The following CTPS2 variants were observed in gnomAD, a reference collection of about 807,000 sequenced individuals.
CTPS2 encodes CTP synthase II.
Under a neutral mutation model 46.8 loss-of-function variants are expected in CTPS2, and 19 were observed. The ratio of observed to expected loss-of-function variants is 0.41; its 90% CI spans 0.28 to 0.60. CTPS2 has a LOEUF of 0.60. Ranked by LOEUF, CTPS2 falls within the 20% of genes least tolerant of loss-of-function variation. CTPS2 has a pLI of 0.35. For synonymous variants in CTPS2, 151 were observed against 165.2 expected (o/e 0.91, Z 0.66); for missense variants, 286 against 447.6 (o/e 0.64, Z 3.26).
intron 17 of CTPS2, among the ~76,000 whole-genome samples, chrX:16,603,621 C>T (rs1218571739): frequency 9.9e-6 from 1 of 101,341 alleles, no homozygotes; most frequent in Non-Finnish European, 2.0e-5. Context: ...ACTATTATTA[C>T]AGCCACAGAA....
At chrX:16,620,459 A>T in intron 14 of CTPS2, 127 bp from the exon 15 acceptor site, 3 of 464,273 alleles carry the variant, frequency 6.5e-6, no homozygotes, top group Non-Finnish European at 7.4e-6. Context: ...GAACTAATAG[A>T]CTCCATATAG....
intron 9 of CTPS2, 130 bp downstream of exon 9, chrX:16,682,964 T>C: frequency 1.5e-6 from 1 of 679,146 alleles, no homozygotes; most frequent in Non-Finnish European, 2.3e-6. Context: ...TGATGAGTCC[T>C]GTGAGTTCTT....
chrX:16,609,095 A>C (rs1483248163), intron 17 of CTPS2, among the ~76,000 whole-genome samples: 1 of 111,889 alleles, frequency 8.9e-6, no homozygotes, highest in East Asian at 2.8e-4. Flanking sequence ...TTAGAAGGAA[A>C]GCAAAATCAC....
intron 13 of CTPS2, among the ~76,000 whole-genome samples, chrX:16,667,012 G>A (rs1049962348): frequency 1.3e-4 from 15 of 111,233 alleles, no homozygotes; most frequent in African/African-American, 4.6e-4. Flanking sequence ...GTCCAGGATT[G>A]TGACTGTCTT....
chrX:16,614,871 C>T (rs1263346684), intron 16 of CTPS2, among the ~76,000 whole-genome samples: 2 of 110,671 alleles, frequency 1.8e-5, no homozygotes, highest in Non-Finnish European at 3.8e-5. Context: ...AAAAACCTGC[C>T]GCTACAAAAA....
At chrX:16,627,509 C>A (rs942257525) in intron 14 of CTPS2, among the ~76,000 whole-genome samples, 7 of 112,129 alleles carry the variant, frequency 6.2e-5, no homozygotes, top group Non-Finnish European at 1.1e-4. Flanking sequence ...GTTCTTGATA[C>A]AACTACCAGC....
chrX:16,603,329 T>C (rs1272775308), intron 17 of CTPS2, among the ~76,000 whole-genome samples: 1 of 109,186 alleles, frequency 9.2e-6, no homozygotes, highest in Non-Finnish European at 1.9e-5. Context: ...AGGCAGAGAA[T>C]TGCTTGAACC....
At chrX:16,695,752 C>T (rs1304210308) in intron 4 of CTPS2, among the ~76,000 whole-genome samples, 1 of 110,373 alleles carries the variant, frequency 9.1e-6, no homozygotes, top group Non-Finnish European at 1.9e-5. Flanking sequence ...GGGGTTTCAC[C>T]GTGTTAGACA....
intron 9 of CTPS2, among the ~76,000 whole-genome samples, chrX:16,679,982 G>A (rs1414276709): frequency 9.0e-6 from 1 of 111,563 alleles, no homozygotes. Flanking sequence ...GGAACAGAGA[G>A]AACCGAGAAA....
At position 16,695,002 on chromosome X, in the gene CTPS2, AAACAAC is replaced by A. The variant is rs10651987; in HGVS notation, c.439-1521_439-1516del. On this transcript the variant is annotated intron_variant, in intron 4 of 18. Transcript: ENST00000359276. ...CAGAGTAAGACACTGTCTCTTTAAA[AAACAAC>A]AACAACAACAACAACAACTCAACGA... is the stretch of plus-strand genomic sequence containing the variant. 1.6e-4 allele frequency among the ~76,000 whole-genome samples: 17 copies of A among 106,960 alleles called. No homozygotes were observed. In the South Asian group the frequency reaches 2.4e-3, roughly 15 times the overall value. 92.9% of individuals were successfully genotyped at this position (106,960 alleles called of 115,157 possible).
intron 17 of CTPS2, among the ~76,000 whole-genome samples, chrX:16,601,456 A>G (rs773997658): frequency 1.8e-5 from 2 of 110,572 alleles, no homozygotes; most frequent in East Asian, 5.8e-4. Flanking sequence ...CTCACTAAGC[A>G]GGTCAGGAAT....
intron 17 of CTPS2, among the ~76,000 whole-genome samples, chrX:16,594,488 G>A (rs1569186126): frequency 8.9e-6 from 1 of 112,001 alleles, no homozygotes; most frequent in East Asian, 2.8e-4. Flanking sequence ...TGTTGCTATT[G>A]ATAGGGGTTA....
chrX:16,634,715 G>A (rs749908147), intron 14 of CTPS2, among the ~76,000 whole-genome samples: 73 of 112,041 alleles, frequency 6.5e-4, no homozygotes, highest in African/African-American at 2.2e-3. Context: ...TTGGGAGGCC[G>A]AGGCAGGAGG....
intron 13 of CTPS2, among the ~76,000 whole-genome samples, chrX:16,643,395 C>T (rs1169089624): frequency 2.7e-5 from 3 of 110,919 alleles, no homozygotes; most frequent in African/African-American, 9.8e-5. Flanking sequence ...TTTGTAGCAT[C>T]GGGGTTTCAT....
chrX:16,629,414 C>G (rs1931343094), intron 14 of CTPS2, among the ~76,000 whole-genome samples: 1 of 111,936 alleles, frequency 8.9e-6, no homozygotes, highest in African/African-American at 3.2e-5. Flanking sequence ...TGCCGTGCTC[C>G]TCTGGAATTT....
intron 13 of CTPS2, among the ~76,000 whole-genome samples, chrX:16,641,682 G>C (rs1932088250): frequency 8.9e-6 from 1 of 112,440 alleles, no homozygotes; most frequent in Admixed American, 9.4e-5. Flanking sequence ...GTTGCAGTGA[G>C]CTATGATCAC....
chrX:16,590,541 T>A (rs73448210), intron 18 of CTPS2, among the ~76,000 whole-genome samples: 1,345 of 110,111 alleles, frequency 0.012, 31 homozygotes, highest in African/African-American at 0.042. Context: ...GTACTTATAT[T>A]TTTTTTTTCC....
At position 16,670,706 on chromosome X, in the gene CTPS2, A is replaced by G. The variant is rs376943984; in HGVS notation, c.1095-32T>C. The G allele has an allele frequency of 4.0e-5, 42 of 1,043,791 alleles. No homozygotes were observed. In the East Asian group the frequency reaches 4.3e-4, roughly 11 times the overall value. The allele number at this position is 1,043,791 out of a possible 1,213,427, so 86.0% of individuals were successfully genotyped here. ...TCAATACAAAATGAGGGTAAACTTG[A>G]CTATCCATTTTTTTTTTAAACTAGT... On this transcript the variant is annotated intron_variant, in intron 10 of 18. Transcript: ENST00000359276.
chrX:16,629,740 G>A (rs1931363594), intron 14 of CTPS2, among the ~76,000 whole-genome samples: 1 of 111,628 alleles, frequency 9.0e-6, no homozygotes, highest in African/African-American at 3.3e-5. Flanking sequence ...ATTTCTTTCA[G>A]CTCTTTCAAA....
Sources: allele counts gnomAD v4.1 joint callset (sites outside exome capture counted in the v4.1 genomes callset), GRCh38; gene constraint gnomAD v4.1.1; transcripts MANE v1.5; gene names NCBI Gene and HGNC (gene_info 2026-07-23, HGNC 2026-07-21).